The following RBBP7 variants were observed in gnomAD, a reference collection of about 807,000 sequenced individuals.
RBBP7 encodes histone-binding protein RBBP7.
Under a neutral mutation model 35.2 loss-of-function variants are expected in RBBP7, and 5 were observed. The ratio of observed to expected loss-of-function variants is 0.14; its 90% CI spans 0.07 to 0.30. The LOEUF (loss-of-function observed/expected upper bound fraction) is 0.30. RBBP7 is among the 10% of genes least tolerant of loss of function. The pLI is 1.00. For synonymous variants in RBBP7, 140 were observed against 118.7 expected (o/e 1.18, Z -1.17); for missense variants, 155 against 327.5 (o/e 0.47, Z 4.07).
chrX:16,859,382 C>A (rs1036198237), intron 3 of RBBP7, among the ~76,000 whole-genome samples: 1 of 112,172 alleles, frequency 8.9e-6, no homozygotes, highest in Non-Finnish European at 1.9e-5. Context: ...ATTGGCCCTG[C>A]CAGCATACTT....
chrX:16,868,976 G>A (rs1256350870), intron 2 of RBBP7, 100 bp downstream of exon 2: 2 of 917,562 alleles, frequency 2.2e-6, no homozygotes, highest in Admixed American at 6.5e-5. Context: ...TCATGCAAGG[G>A]CTGATTACAT....
chrX:16,851,428 G>A (rs761669620), intron 9 of RBBP7, among the ~76,000 whole-genome samples: 3 of 112,108 alleles, frequency 2.7e-5, no homozygotes, highest in East Asian at 2.8e-4. Flanking sequence ...ACTTTATTAA[G>A]TTCTAAAGGC....
chrX:16,869,641 T>G (rs1274334306), intron 1 of RBBP7: 9 of 1,148,090 alleles, frequency 7.8e-6, no homozygotes, highest in Non-Finnish European at 1.0e-5. Flanking sequence ...TCGGCAGCCA[T>G]AGGCCTGAGG....
chrX:16,864,836 C>T (rs1343847729), intron 2 of RBBP7, among the ~76,000 whole-genome samples: 1 of 109,834 alleles, frequency 9.1e-6, no homozygotes, highest in Non-Finnish European at 1.9e-5. Context: ...ATCTGGCTTG[C>T]CCACTTATTT....
chrX:16,849,268 T>C lies in RBBP7; in HGVS notation c.1074A>G (p.Ala358=). The change falls in exon 10 of 12, where the codon GCA becomes GCG. Residue 358 remains alanine (A), a synonymous_variant. Coordinates refer to ENST00000380087, the MANE Select transcript of RBBP7 (RefSeq NM_002893.4). ...KIGEEQSAED[A]EDGPPELLFI... ...CCAGGAGTTCTGGAGGCCCATCTTC[T>C]GCATCTTCTGCTGATTGTTCTTCCC... 1 of 1,210,717 alleles carries C rather than the reference T, an allele frequency of 8.3e-7. No individual in the cohort carries two copies. The highest frequency in any genetic ancestry group is 3.0e-5 in the East Asian group (1 of 33,841).
intron 2 of RBBP7, among the ~76,000 whole-genome samples, chrX:16,867,231 T>TAC (rs914837255): frequency 8.9e-6 from 1 of 111,769 alleles, no homozygotes; most frequent in African/African-American, 3.3e-5. Context: ...CATCTCCATT[T>TAC]ACAGCCCAGA....
chrX:16,869,180 T>C lies in RBBP7; in HGVS notation c.57A>G (p.Glu19=), dbSNP rs766708228. 10 of 1,208,266 alleles carry C rather than the reference T, an allele frequency of 8.3e-6. No homozygotes were observed. The highest frequency in any genetic ancestry group is 1.8e-5 in the African/African-American group (1 of 57,085). Reference sequence around the variant, plus strand: ...GTGTATTCTTCTTCCAGATTTTATATTCTTCATTGATGACACGCTCCTCCA... The same window carrying C: ...GTGTATTCTTCTTCCAGATTTTATACTCTTCATTGATGACACGCTCCTCCA... ...DTVEERVINE[E]YKIWKKNTPF... The change falls in exon 2 of 12, where the codon GAA becomes GAG. Residue 19 remains glutamate, a synonymous_variant. Coordinates refer to ENST00000380087, the MANE Select transcript of RBBP7 (RefSeq NM_002893.4).
Position 16,870,254 on chromosome X carries a change from G to A in RBBP7, c.-201C>T, listed in dbSNP as rs1930754701. On this transcript the variant is annotated 5_prime_UTR_variant, in exon 1 of 12. Coordinates refer to ENST00000380087, the MANE Select transcript of RBBP7 (RefSeq NM_002893.4). ...CTCCTCCCCGCTCGCGGGTACCGAG[G>A]TCTGAGGCGCTCTTCTCTCTCTCTC... 4.3e-6 allele frequency: 2 copies of A among 461,382 alleles called. No individual in the cohort carries two copies. Among genetic ancestry groups the A allele is most frequent in the Admixed American group, 7.9e-5 (1 of 12,642 alleles). 38.0% of individuals were successfully genotyped at this position (461,382 alleles called of 1,213,427 possible). A position where few individuals can be genotyped will look rare whatever the true frequency, so the allele number is the denominator to read the frequency against.
Position 16,858,685 on chromosome X carries a change from C to T in RBBP7, c.472G>A (p.Ala158Thr). Reference protein sequence around the residue: ...VLVFDYTKHPAKPDPSGECNP... With the variant: ...VLVFDYTKHPTKPDPSGECNP... ...CTCTATTATTACATACCTGGTTTAG[C>T]AGGGTGTTTTGTATAGTCAAAAACC... Residue 158 changes from alanine to threonine, a missense_variant, in exon 4 of 12, where the codon GCT becomes ACT. Physicochemically the swap from Ala to Thr is moderately conservative, Grantham distance 58. Transcript: ENST00000380087. The T allele has an allele frequency of 8.3e-7, 1 of 1,210,432 alleles. No individual in the cohort carries two copies. The highest frequency in any genetic ancestry group is 1.1e-6 in the Non-Finnish European group (1 of 894,750).
At chrX:16,866,451 G>A (rs1177561842) in intron 2 of RBBP7, among the ~76,000 whole-genome samples, 5 of 94,832 alleles carry the variant, frequency 5.3e-5, no homozygotes, top group African/African-American at 7.9e-5. Context: ...GCTTGAACCC[G>A]GGAGGTGGAG....
In RBBP7 at chrX:16,869,070, CCTTA is replaced by C; in HGVS notation, c.161+2_161+5del. ...AAACAAAATAAAAGTTGCCAGAAACCCTTACTTAGTCACTTCAGGAAGCCACTGA... is the reference window on the plus strand; with the variant it reads ...AAACAAAATAAAAGTTGCCAGAAACCCTTAGTCACTTCAGGAAGCCACTGA... On this transcript the variant is annotated splice_donor_variant and splice_donor_5th_base_variant and intron_variant, in intron 2 of 11. Coordinates refer to ENST00000380087, the MANE Select transcript of RBBP7 (RefSeq NM_002893.4). LOFTEE classifies it high-confidence loss of function. 1 of 1,192,722 alleles carries C rather than the reference CCTTA, an allele frequency of 8.4e-7. No homozygotes were observed. The highest frequency in any genetic ancestry group is 2.5e-5 in the Admixed American group (1 of 39,677).
At chrX:16,851,124 C>CAA (rs139028984) in intron 9 of RBBP7, among the ~76,000 whole-genome samples, 18 of 79,955 alleles carry the variant, frequency 2.3e-4, no homozygotes, top group African/African-American at 7.2e-4. Context: ...ATTCAGTCTC[C>CAA]AAAAAAAAAA....
chrX:16,868,524 G>A (rs16997165), intron 2 of RBBP7, among the ~76,000 whole-genome samples: 5,549 of 112,576 alleles, frequency 0.049, 359 homozygotes, highest in African/African-American at 0.17. Context: ...TATTACCAGA[G>A]AAACTGCAGA....
chrX:16,848,534 C>T (rs1157112548), intron 10 of RBBP7: 1 of 112,006 alleles, frequency 8.9e-6, no homozygotes, highest in Non-Finnish European at 1.9e-5. Flanking sequence ...ATAAATAAAA[C>T]TCATGGACAA....
intron 2 of RBBP7, 135 bp from the exon 3 acceptor site, chrX:16,863,235 C>T: frequency 1.7e-6 from 1 of 606,011 alleles, no homozygotes; most frequent in Non-Finnish European, 2.5e-6. Context: ...TGTATCTTCT[C>T]CCCCTCTGGT....
intron 4 of RBBP7, 33 bp downstream of exon 4, chrX:16,858,643 C>G: frequency 8.4e-7 from 1 of 1,190,811 alleles, no homozygotes; most frequent in Admixed American, 2.3e-5. Flanking sequence ...AAGAAAACTG[C>G]TCAAGTAATG....
In RBBP7 at chrX:16,870,202, C is replaced by T; in HGVS notation, c.-149G>A. 1.3e-6 allele frequency: 1 copy of T among 748,204 alleles called. No homozygotes were observed. Among genetic ancestry groups the T allele is most frequent in the Non-Finnish European group, 1.6e-6 (1 of 610,659 alleles). 61.7% of individuals were successfully genotyped at this position (748,204 alleles called of 1,213,427 possible). ...GCCCCGTCTTGCTGCCTGGGTGCTCCCCAGACGCCGCGTCCTTCTTTCCTG... is the reference window on the plus strand; with the variant it reads ...GCCCCGTCTTGCTGCCTGGGTGCTCTCCAGACGCCGCGTCCTTCTTTCCTG... On this transcript the variant is annotated 5_prime_UTR_variant, in exon 1 of 12. Coordinates refer to ENST00000380087, the MANE Select transcript of RBBP7 (RefSeq NM_002893.4).
chrX:16,859,642 G>A (rs1461063398), intron 3 of RBBP7, among the ~76,000 whole-genome samples: 12 of 112,113 alleles, frequency 1.1e-4, no homozygotes, highest in Non-Finnish European at 3.8e-5. Flanking sequence ...AGTTGCTGAC[G>A]CTTAAAAAGA....
chrX:16,869,584 C>T, intron 1 of RBBP7: 2 of 1,166,241 alleles, frequency 1.7e-6, no homozygotes, highest in Non-Finnish European at 2.3e-6. Context: ...CAGGCCTGGT[C>T]TCTCCAATCC....
Sources: allele counts gnomAD v4.1 joint callset (sites outside exome capture counted in the v4.1 genomes callset), GRCh38; gene constraint gnomAD v4.1.1; transcripts MANE v1.5; gene names NCBI Gene and HGNC (gene_info 2026-07-23, HGNC 2026-07-21).